The following GRIA2 variants were observed in gnomAD, a reference collection of about 807,000 sequenced individuals.
GRIA2 encodes glutamate receptor 2.
Under a neutral mutation model 97.3 loss-of-function variants are expected in GRIA2, and 14 were observed. The ratio of observed to expected loss-of-function variants is 0.14; its 90% CI spans 0.10 to 0.23. The LOEUF (loss-of-function observed/expected upper bound fraction) is 0.23. Ranked by LOEUF, GRIA2 falls within the 10% of genes least tolerant of loss-of-function variation. The probability of loss-of-function intolerance (pLI) is 1.00; values close to 1 mark genes in which losing one functional copy is unlikely to be tolerated. For missense variants in GRIA2, 558 were observed against 1,069.8 expected (o/e 0.52, Z 6.67); for synonymous variants, 412 against 387.8 (o/e 1.06, Z -0.73).
chr4:157,340,399 T>G (rs1735495413), intron 11 of GRIA2, among the ~76,000 whole-genome samples: 1 of 151,970 alleles, frequency 6.6e-6, no homozygotes, highest in Admixed American at 6.6e-5. Context: ...TATATCTCTA[T>G]ACCTGTATTC....
intron 11 of GRIA2, among the ~76,000 whole-genome samples, chr4:157,340,900 G>A (rs1346446439): frequency 1.3e-5 from 2 of 151,816 alleles, no homozygotes; most frequent in African/African-American, 4.8e-5. Flanking sequence ...AGGTTTGCTG[G>A]TGATATTACA....
At chr4:157,362,560 T>C (rs1716704697) in intron 14 of GRIA2, 2 of 602,680 alleles carry the variant, frequency 3.3e-6, no homozygotes, top group Non-Finnish European at 6.1e-6. Flanking sequence ...AATGAATAAA[T>C]AGAAGTTTAT....
At chr4:157,324,416 A>G (rs569373057) in intron 6 of GRIA2, among the ~76,000 whole-genome samples, 1 of 152,352 alleles carries the variant, frequency 6.6e-6, no homozygotes, top group South Asian at 2.1e-4. Flanking sequence ...GGAGACAATC[A>G]TATCAATCAG....
intron 12 of GRIA2, among the ~76,000 whole-genome samples, chr4:157,347,370 C>T (rs555358032): frequency 6.6e-6 from 1 of 152,148 alleles, no homozygotes; most frequent in Non-Finnish European, 1.5e-5. Flanking sequence ...TTGCCATACA[C>T]TCGCTAAATA....
intron 2 of GRIA2, among the ~76,000 whole-genome samples, chr4:157,282,217 G>A (rs1022110670): frequency 4.6e-5 from 7 of 152,084 alleles, no homozygotes; most frequent in Non-Finnish European, 7.4e-5. Flanking sequence ...GTACCACATG[G>A]TTAGAACAGC....
chr4:157,335,902 A>G (rs976043511), intron 10 of GRIA2, 25 bp downstream of exon 10: 1 of 1,410,618 alleles, frequency 7.1e-7, no homozygotes, highest in Non-Finnish European at 1.0e-6. Context: ...TCTCATAGAT[A>G]AAGTCATTCA....
intron 6 of GRIA2, among the ~76,000 whole-genome samples, chr4:157,327,896 C>A (rs749970128): frequency 6.6e-6 from 1 of 151,964 alleles, no homozygotes; most frequent in South Asian, 2.1e-4. Context: ...TTAAATTGTA[C>A]CCTAGTGGCC....
chr4:157,307,246 A>T (rs761283206), intron 3 of GRIA2, among the ~76,000 whole-genome samples: 1 of 152,316 alleles, frequency 6.6e-6, no homozygotes, highest in East Asian at 1.9e-4. Flanking sequence ...CACTACCTTT[A>T]GCTAGTGAAA....
At chr4:157,334,341 A>T (rs1232891954) in intron 9 of GRIA2, 12 of 447,270 alleles carry the variant, frequency 2.7e-5, no homozygotes, top group Middle Eastern at 6.4e-4. Context: ...GTTTACACAG[A>T]TAATTCCTAC....
At chr4:157,321,384 A>T (rs1734557915) in intron 5 of GRIA2, 54 bp from the exon 6 acceptor site, 1 of 1,216,404 alleles carries the variant, frequency 8.2e-7, no homozygotes, top group Non-Finnish European at 1.2e-6. Flanking sequence ...GTAAATGTTA[A>T]GTAGCATTTT....
intron 3 of GRIA2, among the ~76,000 whole-genome samples, chr4:157,304,244 G>C (rs780360304): frequency 1.3e-5 from 2 of 152,120 alleles, no homozygotes; most frequent in Non-Finnish European, 2.9e-5. Context: ...CAAGATTCCC[G>C]AATCTCAGAG....
At chr4:157,239,780 A>T (rs942215279) in intron 2 of GRIA2, among the ~76,000 whole-genome samples, 3 of 151,996 alleles carry the variant, frequency 2.0e-5, no homozygotes, top group Non-Finnish European at 2.9e-5. Context: ...GGTGACTATT[A>T]TTCAATGCAG....
chr4:157,363,552 G>C lies in GRIA2; in HGVS notation c.*121G>C. On this transcript the variant is annotated 3_prime_UTR_variant, in exon 16 of 16. Transcript: ENST00000264426. ...CAAAGCAGTGCATGCTGTCCCTTACGTGAGTCCTGGCATGGGAATGAATGT... is the reference window on the plus strand; with the variant it reads ...CAAAGCAGTGCATGCTGTCCCTTACCTGAGTCCTGGCATGGGAATGAATGT... 8.1e-7 allele frequency: 1 copy of C among 1,235,442 alleles called. No homozygotes were observed. The allele number at this position is 1,235,442 out of a possible 1,614,324, so 76.5% of individuals were successfully genotyped here. A position where few individuals can be genotyped will look rare whatever the true frequency, so the allele number is the denominator to read the frequency against.
chr4:157,324,469 G>C (rs1314286476), intron 6 of GRIA2, among the ~76,000 whole-genome samples: 1 of 152,188 alleles, frequency 6.6e-6, no homozygotes. Context: ...TCTTGGCCAT[G>C]ATTTTGACAA....
chr4:157,321,430 A>G lies in GRIA2; in HGVS notation c.721-8A>G, dbSNP rs1734561467. On this transcript the variant is annotated splice_polypyrimidine_tract_variant and splice_region_variant and intron_variant, in intron 5 of 15. Transcript: ENST00000264426. ...AAAAAGCGTGATATCAATGTGTTCT[A>G]TGTTTAGGGATTTACTGATGGAGAC... The G allele has an allele frequency of 6.3e-7, 1 of 1,597,392 alleles. No homozygotes were observed. The highest frequency in any genetic ancestry group is 8.5e-7 in the Non-Finnish European group (1 of 1,169,658).
At chr4:157,335,243 T>C (rs1735229156) in intron 9 of GRIA2, 1 of 197,912 alleles carries the variant, frequency 5.1e-6, no homozygotes, top group South Asian at 9.6e-5. Context: ...ACCTTATCTT[T>C]GGGACAGCAG....
rs535581891 is a variant in GRIA2 at position 157,312,599 on chromosome 4, A to G, written c.470-80A>G. ...GCACAAATATATCTTCCTTAAAAAT[A>G]TATTCACTGGCAATTTCATAACACA... On this transcript the variant is annotated intron_variant, in intron 3 of 15. Transcript: ENST00000264426. 7.7e-4 allele frequency: 585 copies of G among 761,210 alleles called. 12 individuals are homozygous for G. The South Asian group carries it at 0.013, about 17-fold the overall frequency. 47.2% of individuals were successfully genotyped at this position (761,210 alleles called of 1,614,324 possible). A position where few individuals can be genotyped will look rare whatever the true frequency, so the allele number is the denominator to read the frequency against.
At chr4:157,299,726 T>G (rs1028367874) in intron 2 of GRIA2, among the ~76,000 whole-genome samples, 1 of 152,164 alleles carries the variant, frequency 6.6e-6, no homozygotes, top group Non-Finnish European at 1.5e-5. Context: ...AGATTATCAT[T>G]TCTGCTGTTT....
In GRIA2 at chr4:157,364,913, G is replaced by T. The variant is rs901950331; in HGVS notation, c.*1482G>T. 6 of 151,406 alleles carry T rather than the reference G, an allele frequency of 4.0e-5. No individual in the cohort carries two copies. Among genetic ancestry groups the T allele is most frequent in the Non-Finnish European group, 5.9e-5 (4 of 67,676 alleles). 9.4% of individuals were successfully genotyped at this position (151,406 alleles called of 1,614,324 possible). On this transcript the variant is annotated 3_prime_UTR_variant, in exon 16 of 16. Coordinates refer to ENST00000264426, the MANE Select transcript of GRIA2 (RefSeq NM_001083619.3). ...CACATTTCTGTAACTTTTGACTAAA[G>T]AGCCTATATTTATCTAGTTAATGAA...
Sources: allele counts gnomAD v4.1 joint callset (sites outside exome capture counted in the v4.1 genomes callset), GRCh38; gene constraint gnomAD v4.1.1; transcripts MANE v1.5; gene names NCBI Gene and HGNC (gene_info 2026-07-23, HGNC 2026-07-21).